The following CEP63 variants were observed in gnomAD, a reference collection of about 807,000 sequenced individuals.
CEP63 encodes the protein centrosomal protein of 63 kDa.
Under a neutral mutation model 89.1 loss-of-function variants are expected in CEP63, and 84 were observed. The ratio of observed to expected loss-of-function variants is 0.94; its 90% CI spans 0.79 to 1.13. The LOEUF (loss-of-function observed/expected upper bound fraction) is 1.13, where lower values mean the gene tolerates loss of function less well. Ranked by LOEUF, CEP63 falls within the 50% of genes most tolerant of loss-of-function variation. The probability of loss-of-function intolerance (pLI) is 0.00; values close to 1 mark genes in which losing one functional copy is unlikely to be tolerated. For synonymous variants in CEP63, 267 were observed against 272.5 expected (o/e 0.98, Z 0.20); for missense variants, 838 against 813.3 (o/e 1.03, Z -0.37).
chr3:134,537,984 GA>G (rs1951113810), intron 6 of CEP63, among the ~76,000 whole-genome samples: 2 of 152,158 alleles, frequency 1.3e-5, no homozygotes, highest in African/African-American at 2.4e-5. Flanking sequence ...TGTCTTGTAA[GA>G]ACATATTCAG....
At chr3:134,546,859 G>C (rs1953471094) in intron 8 of CEP63, among the ~76,000 whole-genome samples, 1 of 152,206 alleles carries the variant, frequency 6.6e-6, no homozygotes, top group Admixed American at 6.5e-5. Flanking sequence ...TGCATGCTTG[G>C]TGAAAATCCA....
chr3:134,558,147 A>C lies in CEP63; in HGVS notation c.1473A>C (p.Lys491Asn), dbSNP rs1956618981. ...CTAGTATTCTTTTTTATTAGGCAAA[A>C]GAGATTTCACTAGCAGACCTCCAGG... ...MKLELGLHEA[K>N]EISLADLQEN... The change falls in exon 13 of 15, where the codon AAA becomes AAC. Residue 491 changes from lysine to asparagine, a missense_variant. Transcript: ENST00000675561. The C allele has an allele frequency of 1.2e-6, 2 of 1,612,578 alleles. No individual in the cohort carries two copies. The highest frequency in any genetic ancestry group is 2.7e-5 in the African/African-American group (2 of 74,916).
chr3:134,769,971 G>A, the CEP63 span, among the ~76,000 whole-genome samples: 1 of 152,250 alleles, frequency 6.6e-6, no homozygotes, highest in Non-Finnish European at 1.5e-5. Context: ...GCCAGCTCCT[G>A]TATCATGCCC....
chr3:134,526,225 A>G (rs1037664922), intron 3 of CEP63, among the ~76,000 whole-genome samples: 2 of 151,724 alleles, frequency 1.3e-5, no homozygotes, highest in African/African-American at 2.4e-5. Flanking sequence ...CTATTTTGCT[A>G]TTAATACTTG....
At chr3:134,680,965 G>T in the CEP63 span, among the ~76,000 whole-genome samples, 1 of 152,244 alleles carries the variant, frequency 6.6e-6, no homozygotes, top group Non-Finnish European at 1.5e-5. Flanking sequence ...GAGGAGCTTT[G>T]CAGGACAGTG....
rs1956880760 is a variant in CEP63, at chr3:134,559,245, A to G, written c.1769A>G (p.Asn590Ser). The change falls in exon 14 of 15, where the codon AAC (asparagine) becomes AGC (serine). Residue 590 changes from asparagine (N) to serine (S), a missense_variant. Transcript: ENST00000675561. ...SPRGQASDSI[N>S]PMSRVLSPLS... ...AGAGGACAAGCGTCGGATAGTATAAACCCCATGTCTAGGGTGCTAAGCCCC... is the reference window on the plus strand; with the variant it reads ...AGAGGACAAGCGTCGGATAGTATAAGCCCCATGTCTAGGGTGCTAAGCCCC... 6 of 1,614,100 alleles carry G rather than the reference A, an allele frequency of 3.7e-6. No homozygotes were observed. The highest frequency in any genetic ancestry group is 1.7e-5 in the Admixed American group (1 of 60,008).
chr3:134,758,073 A>G, the CEP63 span, among the ~76,000 whole-genome samples: 1 of 152,262 alleles, frequency 6.6e-6, no homozygotes, highest in Non-Finnish European at 1.5e-5. Flanking sequence ...CCTGCTTCTG[A>G]TAGAACTGAT....
chr3:134,490,554 G>A (rs1937260230), intron 1 of CEP63, among the ~76,000 whole-genome samples: 1 of 151,718 alleles, frequency 6.6e-6, no homozygotes, highest in Non-Finnish European at 1.5e-5. Flanking sequence ...TATCTAGTTG[G>A]TAGTTGATTT....
chr3:134,515,879 G>T (rs1946086668), intron 3 of CEP63, among the ~76,000 whole-genome samples: 3 of 152,204 alleles, frequency 2.0e-5, no homozygotes, highest in Admixed American at 1.3e-4. Flanking sequence ...CTTCAAAGCT[G>T]TATTGGGCCA....
the CEP63 span, among the ~76,000 whole-genome samples, chr3:134,639,192 C>T: frequency 6.6e-6 from 1 of 151,662 alleles, no homozygotes; most frequent in Non-Finnish European, 1.5e-5. Flanking sequence ...TGCTGTGATT[C>T]CACCCAGGAT....
the CEP63 span, among the ~76,000 whole-genome samples, chr3:134,664,076 G>A: frequency 2.0e-5 from 3 of 152,186 alleles, no homozygotes; most frequent in Non-Finnish European, 4.4e-5. Context: ...TCCCTCTGGA[G>A]CCTGCACCTA....
At chr3:134,765,064 C>A in the CEP63 span, among the ~76,000 whole-genome samples, 20 of 152,144 alleles carry the variant, frequency 1.3e-4, no homozygotes. Context: ...GGCCCCACCC[C>A]CAAAGTTTCT....
the CEP63 span, chr3:134,755,543 T>C: frequency 4.5e-4 from 69 of 152,384 alleles, no homozygotes; most frequent in African/African-American, 1.7e-3. Flanking sequence ...TTGTTCATTG[T>C]GCCAGCTGCT....
chr3:134,625,264 T>C, the CEP63 span: 6 of 759,418 alleles, frequency 7.9e-6, no homozygotes, highest in South Asian at 8.3e-5. Context: ...GCCTGAAACA[T>C]TGAGCCTAAG....
At chr3:134,757,360 C>T in the CEP63 span, among the ~76,000 whole-genome samples, 2 of 152,338 alleles carry the variant, frequency 1.3e-5, no homozygotes, top group South Asian at 4.1e-4. Context: ...CTTGCTCAAA[C>T]TCCCATTTCA....
At chr3:134,723,692 A>C in the CEP63 span, among the ~76,000 whole-genome samples, 2 of 152,192 alleles carry the variant, frequency 1.3e-5, no homozygotes, top group African/African-American at 4.8e-5. Flanking sequence ...CTTTGGGGTA[A>C]GGATGGCTTA....
chr3:134,607,930 G>A, the CEP63 span: 5 of 993,198 alleles, frequency 5.0e-6, no homozygotes, highest in African/African-American at 8.7e-5. Context: ...GGAGGCTGGG[G>A]GCTTACTGTG....
chr3:134,764,565 A>T, the CEP63 span, among the ~76,000 whole-genome samples: 2 of 152,228 alleles, frequency 1.3e-5, no homozygotes, highest in African/African-American at 4.8e-5. Flanking sequence ...ATGGGGCAGT[A>T]CATAGACTTT....
chr3:134,747,478 T>A, the CEP63 span, among the ~76,000 whole-genome samples: 1 of 152,288 alleles, frequency 6.6e-6, no homozygotes, highest in South Asian at 2.1e-4. Context: ...TATGGGAGTG[T>A]ATGTTCACAG....
Sources: allele counts gnomAD v4.1 joint callset (sites outside exome capture counted in the v4.1 genomes callset), GRCh38; gene constraint gnomAD v4.1.1; transcripts MANE v1.5; gene names NCBI Gene and HGNC (gene_info 2026-07-23, HGNC 2026-07-21).